Variants in TSBP1 observed in about 807,000 individuals in gnomAD.
The protein encoded by TSBP1 is testis expressed basic protein 1.
TSBP1 carries 56 observed loss-of-function variants against 68.8 expected under a neutral mutation model. The observed-to-expected ratio is 0.81, with a 90% confidence interval of 0.66 to 1.02. The LOEUF (loss-of-function observed/expected upper bound fraction) is 1.02. Ranked by LOEUF, TSBP1 falls within the 50% of genes least tolerant of loss-of-function variation. TSBP1 has a pLI of 0.00. For synonymous variants in TSBP1, 171 were observed against 208.7 expected, an observed-to-expected ratio of 0.82 and a Z score of 1.56; for missense variants, 502 against 641.2, an observed-to-expected ratio of 0.78 and a Z score of 2.34.
chr6:32,326,007 C>A, intron 16 of TSBP1: 1 of 1,535,738 alleles, frequency 6.5e-7, no homozygotes, highest in Non-Finnish European at 8.9e-7. Context: ...ATGATTTTGG[C>A]AATTACAACA....
chr6:32,316,354 C>T lies in TSBP1; in HGVS notation c.560-562G>A. On this transcript the variant is annotated intron_variant, in intron 18 of 22. Coordinates refer to ENST00000612031, the Ensembl canonical transcript of TSBP1. The surrounding 1 kb of genome is among the most constrained non-coding windows in gnomAD (Gnocchi z 4.5). ...TTTGACAGAAGTGAAGTGAAGGGGA[C>T]CAAAGAGAACCAAAGTAGAAAAAGA... 1.3e-6 allele frequency: 2 copies of T among 1,551,690 alleles called. No homozygotes were observed. Among genetic ancestry groups the T allele is most frequent in the Non-Finnish European group, 1.8e-6 (2 of 1,139,532 alleles).
intron 8 of TSBP1, among the ~76,000 whole-genome samples, chr6:32,353,820 A>G (rs1265761): frequency 0.098 from 14,930 of 151,926 alleles, 1,119 homozygotes; most frequent in African/African-American, 0.2. Flanking sequence ...TTGGAACAAG[A>G]TGAGACGAAA....
chr6:32,294,546 G>T (rs1031390960), intron 22 of TSBP1, among the ~76,000 whole-genome samples: 3 of 152,186 alleles, frequency 2.0e-5, no homozygotes, highest in African/African-American at 7.2e-5. Context: ...AGCACTTTAT[G>T]TATTAAATCA....
intron 19 of TSBP1, among the ~76,000 whole-genome samples, chr6:32,313,403 T>C (rs1766614742): frequency 6.6e-6 from 1 of 152,288 alleles, no homozygotes; most frequent in Non-Finnish European, 1.5e-5. Flanking sequence ...TATATATTTG[T>C]TGAATACATA....
chr6:32,307,780 T>C (rs1765913249), intron 19 of TSBP1, among the ~76,000 whole-genome samples: 1 of 124,838 alleles, frequency 8.0e-6, no homozygotes, highest in Admixed American at 7.8e-5. Flanking sequence ...ATTGCCTGGT[T>C]TTTTTTTTTT....
At position 32,338,872 on chromosome 6, in the gene TSBP1, C is replaced by A. The variant is rs1769982941; in HGVS notation, c.409+107G>T. The A allele has an allele frequency of 1.1e-6, 1 of 918,340 alleles. No homozygotes were observed. Among genetic ancestry groups the A allele is most frequent in the Admixed American group, 1.8e-5 (1 of 55,850 alleles). The allele number at this position is 918,340 out of a possible 1,614,324, so 56.9% of individuals were successfully genotyped here. A position where few individuals can be genotyped will look rare whatever the true frequency, so the allele number is the denominator to read the frequency against. ...GAATAAACAAGGGGAAAGGAATGGA[C>A]AATTTGTGAAAGAAATAAAAAAATC... On this transcript the variant is annotated intron_variant, in intron 11 of 22. Coordinates refer to ENST00000612031, the Ensembl canonical transcript of TSBP1. This position sits in a 1 kb window ranked among gnomAD's most constrained non-coding sequence, Gnocchi z 5.5.
chr6:32,335,115 T>A lies in TSBP1; in HGVS notation c.472+322A>T, dbSNP rs1315349915. 6.6e-6 allele frequency among the ~76,000 whole-genome samples: 1 copy of A among 152,230 alleles called. No individual in the cohort carries two copies. Among genetic ancestry groups the A allele is most frequent in the African/African-American group, 2.4e-5 (1 of 41,472 alleles). ...TCTAATAATGGAAAAATTATTTGCATGGAAAGCACAGCAGGAAGTTTAGGT... is the reference window on the plus strand; with the variant it reads ...TCTAATAATGGAAAAATTATTTGCAAGGAAAGCACAGCAGGAAGTTTAGGT... On this transcript the variant is annotated intron_variant, in intron 14 of 22. Coordinates refer to ENST00000612031, the Ensembl canonical transcript of TSBP1. The surrounding 1 kb of genome is among the most constrained non-coding windows in gnomAD (Gnocchi z 5.5).
At chr6:32,367,242 A>AG (rs1403871350) in intron 4 of TSBP1, among the ~76,000 whole-genome samples, 6 of 80,956 alleles carry the variant, frequency 7.4e-5, no homozygotes, top group African/African-American at 1.4e-4. Context: ...AGAGGGAAGG[A>AG]AAGAGAGAGA....
chr6:32,316,416 TA>T lies in TSBP1; in HGVS notation c.560-625del. On this transcript the variant is annotated intron_variant, in intron 18 of 22. Coordinates refer to ENST00000612031, the Ensembl canonical transcript of TSBP1. The surrounding 1 kb of genome is among the most constrained non-coding windows in gnomAD (Gnocchi z 4.5). ...TACTTATAGGTGCTGCCAGCTGACC[TA>T]AAAAAATTAGATATCAGTGAAGATT... The T allele has an allele frequency of 2.6e-6, 4 of 1,554,970 alleles. No homozygotes were observed. The highest frequency in any genetic ancestry group is 1.2e-5 in the South Asian group (1 of 84,340).
chr6:32,353,816 C>G (rs1371157444), intron 8 of TSBP1, among the ~76,000 whole-genome samples: 1 of 151,768 alleles, frequency 6.6e-6, no homozygotes, highest in Non-Finnish European at 1.5e-5. Flanking sequence ...CTAGTTGGAA[C>G]AAGATGAGAC....
rs1362466288 is a variant in TSBP1 at position 32,361,982 on chromosome 6, A to T, written c.217+4185T>A. 6.6e-6 allele frequency among the ~76,000 whole-genome samples: 1 copy of T among 152,024 alleles called. No homozygotes were observed. Among genetic ancestry groups the T allele is most frequent in the Non-Finnish European group, 1.5e-5 (1 of 67,992 alleles). ...ATTAATGAGTTGTCAGGCAAGTGGA[A>T]CTGGTGGCTTCATAAGAAGAGGAAC... On this transcript the variant is annotated intron_variant, in intron 6 of 22. Coordinates refer to ENST00000612031, the Ensembl canonical transcript of TSBP1. This position sits in a 1 kb window ranked among gnomAD's most constrained non-coding sequence, Gnocchi z 4.3.
chr6:32,307,415 A>G (rs1186799834), intron 19 of TSBP1, among the ~76,000 whole-genome samples: 1 of 152,094 alleles, frequency 6.6e-6, no homozygotes, highest in Non-Finnish European at 1.5e-5. Context: ...TGCTCAGAAA[A>G]TGTGATTTAT....
chr6:32,348,707 A>T (rs1435328638), intron 9 of TSBP1, among the ~76,000 whole-genome samples: 1 of 152,144 alleles, frequency 6.6e-6, no homozygotes, highest in Non-Finnish European at 1.5e-5. Context: ...TTTGCTAGCT[A>T]TATGCCTTGG....
At chr6:32,369,242 T>C (rs1405463038) in intron 2 of TSBP1, among the ~76,000 whole-genome samples, 1 of 152,050 alleles carries the variant, frequency 6.6e-6, no homozygotes, top group African/African-American at 2.4e-5. Context: ...TTTTATATAA[T>C]ACTAGATACT....
At chr6:32,350,794 G>A (rs1455504609) in intron 8 of TSBP1, among the ~76,000 whole-genome samples, 1 of 152,190 alleles carries the variant, frequency 6.6e-6, no homozygotes, top group Non-Finnish European at 1.5e-5. Context: ...GTGGGAGAGG[G>A]AGATAAAAGA....
chr6:32,357,022 A>G lies in TSBP1; in HGVS notation c.218-1353T>C, dbSNP rs17202071. On this transcript the variant is annotated intron_variant, in intron 6 of 22. Transcript: ENST00000612031. This position sits in a 1 kb window ranked among gnomAD's most constrained non-coding sequence, Gnocchi z 4.7. ...TACCTAATATTAATATCTTCCTGCC[A>G]GAAGATTTCTATAGTCTCAAGTTGA... is the stretch of plus-strand genomic sequence containing the variant. Among the ~76,000 whole-genome samples the G allele has an allele frequency of 0.084, 12,830 of 152,252 alleles. 799 individuals carry two copies. The highest frequency in any genetic ancestry group is 0.1 in the East Asian group (518 of 5,180).
chr6:32,351,212 A>C (rs1299292923), intron 8 of TSBP1, among the ~76,000 whole-genome samples: 1 of 152,204 alleles, frequency 6.6e-6, no homozygotes, highest in East Asian at 1.9e-4. Context: ...ATGTTGTTAG[A>C]AGTGATATGA....
intron 16 of TSBP1, among the ~76,000 whole-genome samples, chr6:32,328,981 A>G (rs1768599885): frequency 6.6e-6 from 1 of 152,164 alleles, no homozygotes; most frequent in Non-Finnish European, 1.5e-5. Flanking sequence ...TAGTGTACCC[A>G]TTACCCAAAT....
In TSBP1 at chr6:32,293,388, C is replaced by A; in HGVS notation, c.1285G>T (p.Glu429Ter). Residue 429 changes from glutamate (E) to a stop codon, truncating the protein, a stop_gained, in exon 23 of 23, where the codon GAG becomes TAG. Coordinates refer to ENST00000612031, the Ensembl canonical transcript of TSBP1. LOFTEE classifies it low-confidence loss of function (END_TRUNC). ...TTTGGCACATCTGCCTCAGTCTTCT[C>A]TACTTGGCCTTCTTGTCCTTTTGGT... 1 of 1,612,932 alleles carries A rather than the reference C, an allele frequency of 6.2e-7. No homozygotes were observed. Among genetic ancestry groups the A allele is most frequent in the Non-Finnish European group, 8.5e-7 (1 of 1,179,994 alleles).
Sources: allele counts gnomAD v4.1 joint callset (sites outside exome capture counted in the v4.1 genomes callset), GRCh38; gene constraint gnomAD v4.1.1; non-coding constraint Gnocchi (gnomAD v3.1); transcripts MANE v1.5; gene names NCBI Gene and HGNC (gene_info 2026-07-23, HGNC 2026-07-21).